USP8: variants seen among roughly 807,000 people sequenced by gnomAD.
USP8 encodes ubiquitin specific peptidase 8, also known as ubiquitin carboxyl-terminal hydrolase 8.
USP8 carries 27 observed loss-of-function variants against 130.0 expected under a neutral mutation model. That is an observed-to-expected ratio of 0.21 (90% CI 0.15 to 0.29). The LOEUF is 0.29. USP8 is among the 10% of genes least tolerant of loss of function. USP8 has a pLI of 1.00. For synonymous variants in USP8, 392 were observed against 444.1 expected (o/e 0.88, Z 1.48); for missense variants, 1,029 against 1,312.2 (o/e 0.78, Z 3.33).
chr15:50,498,785 T>G, intron 19 of USP8, 57 bp downstream of exon 19: 1 of 1,563,006 alleles, frequency 6.4e-7, no homozygotes, highest in South Asian at 1.2e-5. Flanking sequence ...AAAAAAAGTT[T>G]TAAGTGGTTT....
chr15:50,431,719 C>T (rs1353577555), intron 1 of USP8, among the ~76,000 whole-genome samples: 4 of 152,102 alleles, frequency 2.6e-5, no homozygotes, highest in Non-Finnish European at 5.9e-5. Flanking sequence ...TGCAGTGGTG[C>T]GATCTTGGCT....
At chr15:50,426,777 G>C (rs976725959) in intron 1 of USP8, 1 of 152,244 alleles carries the variant, frequency 6.6e-6, no homozygotes, top group African/African-American at 2.4e-5. Context: ...ATACTCTGTT[G>C]GTTAGAGCAA....
intron 5 of USP8, among the ~76,000 whole-genome samples, chr15:50,460,635 T>G (rs1383851180): frequency 6.6e-6 from 1 of 152,068 alleles, no homozygotes; most frequent in Non-Finnish European, 1.5e-5. Flanking sequence ...ATCTATTTAG[T>G]GACTACTTGT....
At chr15:50,431,343 T>C (rs893015004) in intron 1 of USP8, among the ~76,000 whole-genome samples, 1 of 152,212 alleles carries the variant, frequency 6.6e-6, no homozygotes, top group Non-Finnish European at 1.5e-5. Flanking sequence ...TATCCCTAAT[T>C]TGACCATCTT....
rs1212594343 is a variant in USP8 at position 50,495,830 on chromosome 15, A to G, written c.2659-18A>G. The G allele has an allele frequency of 3.2e-6, 5 of 1,581,068 alleles. No individual in the cohort carries two copies. The highest frequency in any genetic ancestry group is 4.3e-6 in the Non-Finnish European group (5 of 1,153,738). On this transcript the variant is annotated intron_variant, in intron 16 of 19. Coordinates refer to ENST00000307179, the MANE Select transcript of USP8 (RefSeq NM_005154.5). ...TCTTTGAGATATTAATATAGAGCTT[A>G]AATCATTTTATTTCCAGGCTGATAA...
rs542061073 is a variant in USP8, at chr15:50,513,515, G to A, written c.*14427G>A. 32 of 104,644 alleles carry A rather than the reference G, an allele frequency of 3.1e-4. No homozygotes were observed. The highest frequency in any genetic ancestry group is 1.1e-3 in the African/African-American group (31 of 27,032). 6.5% of individuals were successfully genotyped at this position (104,644 alleles called of 1,614,324 possible). A position where few individuals can be genotyped will look rare whatever the true frequency, so the allele number is the denominator to read the frequency against. On this transcript the variant is annotated 3_prime_UTR_variant, in exon 20 of 20. Coordinates refer to ENST00000307179, the MANE Select transcript of USP8 (RefSeq NM_005154.5). The stretch of plus-strand genomic sequence containing the variant: ...ATGAGTTCGAGACAAGAGCGAAACT[G>A]TCTAAAAAAAAAAAAAAAAAAAAGA...
In USP8 at chr15:50,439,006, C is replaced by A; in HGVS notation, c.-65-3C>A. 9.0e-7 allele frequency: 1 copy of A among 1,112,328 alleles called. No individual in the cohort carries two copies. The highest frequency in any genetic ancestry group is 2.2e-5 in the Admixed American group (1 of 45,524). 68.9% of individuals were successfully genotyped at this position (1,112,328 alleles called of 1,614,324 possible). On this transcript the variant is annotated splice_region_variant and splice_polypyrimidine_tract_variant and intron_variant, in intron 1 of 19. Coordinates refer to ENST00000307179, the MANE Select transcript of USP8 (RefSeq NM_005154.5). ...TTAGTATAATTATTTGTATTTGTTT[C>A]AGGAAAGAAGCACTTGTAAGGAAAT...
chr15:50,427,655 T>A (rs2049786140), intron 1 of USP8, among the ~76,000 whole-genome samples: 2 of 149,934 alleles, frequency 1.3e-5, no homozygotes, highest in South Asian at 4.3e-4. Flanking sequence ...GTCCGCCTCC[T>A]GGGTTTAAGC....
chr15:50,492,757 A>G lies in USP8; in HGVS notation c.2291A>G (p.Asn764Ser), dbSNP rs1318445105. ...ISRLSASQIR[N>S]LNPVFGGSGP... The stretch of plus-strand genomic sequence containing the variant: ...AGGCTTTCTGCTTCTCAGATTCGGA[A>G]CCTCAATCCTGTTTTTGGAGGTTCT... Residue 764 changes from asparagine (N) to serine (S), a missense_variant, in exon 15 of 20, where the codon AAC becomes AGC. By Grantham distance (46) the Asn-to-Ser change is conservative. Coordinates refer to ENST00000307179, the MANE Select transcript of USP8 (RefSeq NM_005154.5). 5.6e-6 allele frequency: 9 copies of G among 1,614,004 alleles called. No homozygotes were observed. In the East Asian group the frequency reaches 2.0e-4, roughly 36 times the overall value.
At chr15:50,488,301 A>G (rs764591244) in intron 12 of USP8, among the ~76,000 whole-genome samples, 3 of 152,170 alleles carry the variant, frequency 2.0e-5, no homozygotes, top group Non-Finnish European at 4.4e-5. Context: ...ATCTAAATCC[A>G]TCTTTTTGCA....
At position 50,439,041 on chromosome 15, in the gene USP8, A is replaced by G; in HGVS notation, c.-33A>G. The G allele has an allele frequency of 6.9e-7, 1 of 1,454,702 alleles. No individual in the cohort carries two copies. Among genetic ancestry groups the G allele is most frequent in the South Asian group, 1.2e-5 (1 of 86,172 alleles). The allele number at this position is 1,454,702 out of a possible 1,614,324, so 90.1% of individuals were successfully genotyped here. On this transcript the variant is annotated 5_prime_UTR_variant, in exon 2 of 20. Coordinates refer to ENST00000307179, the MANE Select transcript of USP8 (RefSeq NM_005154.5). Reference sequence around the variant, plus strand: ...GCACTTGTAAGGAAATATAGCATCCATTGTGAAAGTGGAAAAGTAAAGATA... The same window carrying G: ...GCACTTGTAAGGAAATATAGCATCCGTTGTGAAAGTGGAAAAGTAAAGATA...
intron 7 of USP8, among the ~76,000 whole-genome samples, chr15:50,469,193 C>T (rs2051295161): frequency 6.6e-6 from 1 of 152,096 alleles, no homozygotes; most frequent in Non-Finnish European, 1.5e-5. Context: ...TATTTATCTT[C>T]AGACATACCT....
At position 50,483,248 on chromosome 15, in the gene USP8, T is replaced by C. The variant is rs547284963; in HGVS notation, c.1804-1027T>C. ...ATAGACAGTGAGATTCCAAAGCCAC[T>C]TCTTTTCCATCTTGCTATACTAGAG... On this transcript the variant is annotated intron_variant, in intron 11 of 19. Transcript: ENST00000307179. Among the ~76,000 whole-genome samples the C allele has an allele frequency of 3.9e-5, 6 of 152,360 alleles. No individual in the cohort carries two copies. The East Asian group carries it at 1.2e-3, about 29-fold the overall frequency.
At chr15:50,477,102 G>A (rs2051593037) in intron 9 of USP8, 109 bp downstream of exon 9, 6 of 1,450,046 alleles carry the variant, frequency 4.1e-6, no homozygotes, top group Non-Finnish European at 5.6e-6. Context: ...TTAGAGAGCA[G>A]TTTGTTTTCA....
intron 3 of USP8, among the ~76,000 whole-genome samples, chr15:50,448,489 A>G (rs1261568673): frequency 6.6e-6 from 1 of 152,000 alleles, no homozygotes; most frequent in African/African-American, 2.4e-5. Flanking sequence ...TATATGCCAA[A>G]TCTTTTACCT....
At chr15:50,492,577 A>C in intron 14 of USP8, 124 bp from the exon 15 acceptor site, 1 of 897,804 alleles carries the variant, frequency 1.1e-6, no homozygotes, top group South Asian at 1.7e-5. Context: ...TTATGAGTTA[A>C]CATATTAACT....
intron 1 of USP8, 131 bp downstream of exon 1, chr15:50,424,645 ACTC>A (rs1595887923): frequency 2.5e-6 from 1 of 396,228 alleles, no homozygotes. Context: ...GAGTGGGACA[ACTC>A]CTAAAGGTAG....
intron 15 of USP8, 151 bp downstream of exon 15, chr15:50,493,064 T>C: frequency 1.2e-6 from 1 of 853,902 alleles, no homozygotes; most frequent in Non-Finnish European, 1.9e-6. Context: ...TCTTAGTTCT[T>C]GACTGGGAAG....
chr15:50,476,572 G>T (rs1212289477), intron 8 of USP8, among the ~76,000 whole-genome samples: 1 of 152,140 alleles, frequency 6.6e-6, no homozygotes, highest in Admixed American at 6.5e-5. Flanking sequence ...ATGTAAAGTG[G>T]TATTGGGGTG....
Sources: gnomAD v4.1 joint callset for allele counts (sites outside exome capture counted in the v4.1 genomes callset) on GRCh38, gnomAD v4.1.1 for gene constraint, MANE v1.5 for transcripts, NCBI Gene and HGNC (gene_info 2026-07-23, HGNC 2026-07-21) for gene names.